Variants in ACOT7 observed in about 807,000 individuals in gnomAD.
ACOT7 encodes the protein cytosolic acyl coenzyme A thioester hydrolase.
A neutral mutation model predicts 40.2 loss-of-function variants in ACOT7; 12 were observed. The observed-to-expected ratio is 0.30, with a 90% CI of 0.19 to 0.48. The LOEUF is 0.48. ACOT7 is among the 20% of genes least tolerant of loss of function. ACOT7 has a pLI of 0.99. For missense variants in ACOT7, 395 were observed against 530.8 expected (o/e 0.74, Z 2.51); for synonymous variants, 228 against 219.5 (o/e 1.04, Z -0.34).
rs141375524 is a variant in ACOT7 at position 6,365,168 on chromosome 1, G to A, written c.144-15302C>T. On this transcript the variant is annotated intron_variant, in intron 1 of 8. Transcript: ENST00000361521. ...AAACTTGGAGGAAACACAAACTATAGTGACAGAAAGCAGATCAGAGGTTGC... is the reference window on the plus strand; with the variant it reads ...AAACTTGGAGGAAACACAAACTATAATGACAGAAAGCAGATCAGAGGTTGC... Among the ~76,000 whole-genome samples the A allele has an allele frequency of 4.4e-3, 668 of 152,352 alleles. 3 individuals are homozygous for A. Among genetic ancestry groups the A allele is most frequent in the Non-Finnish European group, 6.9e-3 (471 of 68,038 alleles).
intron 2 of ACOT7, among the ~76,000 whole-genome samples, chr1:6,346,096 G>A (rs977070077): frequency 6.6e-6 from 1 of 152,196 alleles, no homozygotes; most frequent in Non-Finnish European, 1.5e-5. Flanking sequence ...GGGCATGGCC[G>A]GACGCTGTGT....
intron 1 of ACOT7, among the ~76,000 whole-genome samples, chr1:6,350,596 C>A (rs1366226195): frequency 1.3e-5 from 2 of 152,252 alleles, no homozygotes; most frequent in African/African-American, 2.4e-5. Flanking sequence ...CCTGCCAGGG[C>A]AAGTTGCCTG....
At chr1:6,370,950 A>G (rs1642122256) in intron 1 of ACOT7, among the ~76,000 whole-genome samples, 1 of 151,742 alleles carries the variant, frequency 6.6e-6, no homozygotes, top group Non-Finnish European at 1.5e-5. Context: ...AGCTGGGATT[A>G]TAGGCGCCTG....
chr1:6,266,330 T>C (rs1638851518), intron 8 of ACOT7, among the ~76,000 whole-genome samples: 1 of 152,216 alleles, frequency 6.6e-6, no homozygotes, highest in Admixed American at 6.5e-5. Context: ...CCCCTGCAGA[T>C]GACAAGCTCC....
chr1:6,338,019 A>G lies in ACOT7; in HGVS notation c.418+1414T>C, dbSNP rs533086835. ...CCATCTCAAAAAAAAAAAAAAAAAAAAAAAGAAACCTGCTCTTCAGGGCTT... is the reference window on the plus strand; with the variant it reads ...CCATCTCAAAAAAAAAAAAAAAAAAGAAAAGAAACCTGCTCTTCAGGGCTT... On this transcript the variant is annotated intron_variant, in intron 3 of 8. Coordinates refer to ENST00000361521, the MANE Select transcript of ACOT7 (RefSeq NM_007274.4). This position sits in a 1 kb window ranked among gnomAD's most constrained non-coding sequence, Gnocchi z 4.4. 6.4e-4 allele frequency among the ~76,000 whole-genome samples: 96 copies of G among 151,118 alleles called. 2 individuals are homozygous for G. In the East Asian group the frequency reaches 0.016, roughly 26 times the overall value.
At chr1:6,329,131 CCTT>C (rs1180053614) in intron 4 of ACOT7, among the ~76,000 whole-genome samples, 18 of 152,392 alleles carry the variant, frequency 1.2e-4, no homozygotes, top group Admixed American at 1.0e-3. Flanking sequence ...CTGTGTTAGG[CCTT>C]CTTTCAAAAG....
At chr1:6,345,874 C>T (rs1315204909) in intron 2 of ACOT7, among the ~76,000 whole-genome samples, 2 of 152,202 alleles carry the variant, frequency 1.3e-5, no homozygotes, top group African/African-American at 4.8e-5. Context: ...TCATCGTAAG[C>T]GCTTACTCGG....
intron 6 of ACOT7, 187 bp from the exon 7 acceptor site, chr1:6,295,167 A>T: frequency 1.2e-4 from 51 of 425,104 alleles, no homozygotes; most frequent in East Asian, 2.5e-4. Flanking sequence ...CTTCCTCAGG[A>T]GATTTTGAAA....
chr1:6,352,981 C>T lies in ACOT7; in HGVS notation c.144-3115G>A, dbSNP rs528184642. Among the ~76,000 whole-genome samples the T allele has an allele frequency of 3.9e-5, 6 of 151,910 alleles. No homozygotes were observed. The highest frequency in any genetic ancestry group is 1.5e-5 in the Non-Finnish European group (1 of 67,998). On this transcript the variant is annotated intron_variant, in intron 1 of 8. Coordinates refer to ENST00000361521, the MANE Select transcript of ACOT7 (RefSeq NM_007274.4). This position sits in a 1 kb window ranked among gnomAD's most constrained non-coding sequence, Gnocchi z 4.5. ...GCAAACTCCGTCTCCTGGGTTCAAG[C>T]GATTCCCCTGCCTCAGCCTTCCGAG...
At chr1:6,295,683 C>T (rs987615962) in intron 6 of ACOT7, among the ~76,000 whole-genome samples, 2 of 152,158 alleles carry the variant, frequency 1.3e-5, no homozygotes, top group African/African-American at 2.4e-5. Context: ...AGACCACACA[C>T]TGTATGCTGC....
chr1:6,290,008 A>C (rs1044262237), intron 7 of ACOT7, among the ~76,000 whole-genome samples: 6 of 152,048 alleles, frequency 3.9e-5, no homozygotes, highest in African/African-American at 1.5e-4. Flanking sequence ...TGGAGATGGG[A>C]AGATTGTTCT....
chr1:6,296,253 TCAAA>T (rs551654218), intron 6 of ACOT7, among the ~76,000 whole-genome samples: 6 of 152,194 alleles, frequency 3.9e-5, no homozygotes, highest in Admixed American at 1.3e-4. Context: ...AGCTGTTATA[TCAAA>T]CAAACAAACA....
intron 3 of ACOT7, among the ~76,000 whole-genome samples, chr1:6,337,666 C>T (rs1268043185): frequency 1.3e-5 from 2 of 152,022 alleles, no homozygotes; most frequent in Non-Finnish European, 2.9e-5. Flanking sequence ...GTCTCCCTGC[C>T]TCTCTCCCCA....
chr1:6,280,272 C>T (rs1294648173), intron 8 of ACOT7, among the ~76,000 whole-genome samples: 2 of 152,236 alleles, frequency 1.3e-5, no homozygotes, highest in African/African-American at 2.4e-5. Flanking sequence ...GACACAAGAG[C>T]TGGTTCAAAG....
At chr1:6,273,013 C>T (rs1438749540) in intron 8 of ACOT7, among the ~76,000 whole-genome samples, 1 of 152,228 alleles carries the variant, frequency 6.6e-6, no homozygotes, top group Non-Finnish European at 1.5e-5. Flanking sequence ...GCCCCCCAGG[C>T]CTGGCTCTGA....
chr1:6,290,468 G>A (rs77988231), intron 7 of ACOT7, among the ~76,000 whole-genome samples: 5 of 152,172 alleles, frequency 3.3e-5, no homozygotes, highest in Admixed American at 6.5e-5. Context: ...GGCTGTGACC[G>A]GCTGCCATGG....
In ACOT7 at chr1:6,299,144, G is replaced by T. The variant is rs954176544; in HGVS notation, c.713-4164C>A. ...CGGCTGGGTGACCTTGGGCAGGCAG[G>T]TTGCCCTCCCTGAGCCGTGGGCTCA... On this transcript the variant is annotated intron_variant, in intron 6 of 8. Coordinates refer to ENST00000361521, the MANE Select transcript of ACOT7 (RefSeq NM_007274.4). The surrounding 1 kb of genome is among the most constrained non-coding windows in gnomAD (Gnocchi z 4.1). Among the ~76,000 whole-genome samples, 1 of 152,224 alleles carries T rather than the reference G, an allele frequency of 6.6e-6. No homozygotes were observed. The highest frequency in any genetic ancestry group is 1.5e-5 in the Non-Finnish European group (1 of 68,034).
chr1:6,388,662 C>G (rs1642481190), intron 1 of ACOT7, among the ~76,000 whole-genome samples: 1 of 145,214 alleles, frequency 6.9e-6, no homozygotes, highest in African/African-American at 2.6e-5. Context: ...ATTGCTTGAA[C>G]TGGGGAGGCA....
At chr1:6,376,587 C>T (rs796655883) in intron 1 of ACOT7, among the ~76,000 whole-genome samples, 4 of 151,996 alleles carry the variant, frequency 2.6e-5, no homozygotes, top group African/African-American at 7.2e-5. Context: ...ATTAGCATGG[C>T]GTGGTGCCAT....
Sources: allele counts gnomAD v4.1 joint callset (sites outside exome capture counted in the v4.1 genomes callset), GRCh38; gene constraint gnomAD v4.1.1; non-coding constraint Gnocchi (gnomAD v3.1); transcripts MANE v1.5; gene names NCBI Gene and HGNC (gene_info 2026-07-23, HGNC 2026-07-21).